Variants in PRPSAP1 observed in about 807,000 individuals in gnomAD.
PRPSAP1 encodes phosphoribosyl pyrophosphate synthase-associated protein 1.
PRPSAP1 carries 31 observed loss-of-function variants against 39.4 expected under a neutral mutation model. The ratio of observed to expected loss-of-function variants is 0.79; its 90% CI spans 0.59 to 1.06. The LOEUF (loss-of-function observed/expected upper bound fraction) is 1.06, where lower values mean the gene tolerates loss of function less well. Ranked by LOEUF, PRPSAP1 falls within the 50% of genes least tolerant of loss-of-function variation. The pLI is 0.00. For synonymous variants in PRPSAP1, 212 were observed against 192.6 expected (o/e 1.10, Z -0.83); for missense variants, 430 against 511.6 (o/e 0.84, Z 1.54).
chr17:76,345,455 A>C (rs2071490092), intron 2 of PRPSAP1, among the ~76,000 whole-genome samples: 2 of 151,810 alleles, frequency 1.3e-5, no homozygotes, highest in African/African-American at 4.8e-5. Context: ...TGACACAGCG[A>C]GATTCTATCT....
intron 3 of PRPSAP1, among the ~76,000 whole-genome samples, chr17:76,336,850 T>A (rs2071385280): frequency 6.6e-6 from 1 of 151,970 alleles, no homozygotes; most frequent in South Asian, 2.1e-4. Context: ...ACCTCACCCC[T>A]TATTGGTCAG....
Position 76,320,325 on chromosome 17 carries a change from A to AAAGG in PRPSAP1, c.782-6435_782-6434insCCTT, listed in dbSNP as rs1555592779. Reference sequence around the variant, plus strand: ...AAAGAAAGGAAGGGAGGAAGGGAAGAAGGGAGGGAGGGAGGGAGGAAGGAA... The same window carrying AAAGG: ...AAAGAAAGGAAGGGAGGAAGGGAAGAAAGGAGGGAGGGAGGGAGGGAGGAAGGAA... On this transcript the variant is annotated intron_variant, in intron 7 of 9. Coordinates refer to ENST00000446526, the MANE Select transcript of PRPSAP1 (RefSeq NM_002766.3). Among the ~76,000 whole-genome samples, 33 of 127,008 alleles carry AAAGG rather than the reference A, an allele frequency of 2.6e-4. No homozygotes were observed. In the East Asian group the frequency reaches 6.5e-3, roughly 25 times the overall value. The allele number at this position is 127,008 out of a possible 152,430, so 83.3% of individuals were successfully genotyped here. A position where few individuals can be genotyped will look rare whatever the true frequency, so the allele number is the denominator to read the frequency against.
upstream of PRPSAP1, chr17:76,354,055 C>T: frequency 9.2e-7 from 1 of 1,082,960 alleles, no homozygotes; most frequent in Non-Finnish European, 1.1e-6. Flanking sequence ...TCGCCCCGCC[C>T]CTGCTTTGAC....
At chr17:76,345,466 C>CA (rs1264967640) in intron 2 of PRPSAP1, among the ~76,000 whole-genome samples, 1 of 151,568 alleles carries the variant, frequency 6.6e-6, no homozygotes, top group African/African-American at 2.4e-5. Context: ...GATTCTATCT[C>CA]AAAAAAATAA....
intron 1 of PRPSAP1, among the ~76,000 whole-genome samples, chr17:76,352,243 G>A (rs1457365100): frequency 1.3e-5 from 2 of 152,004 alleles, no homozygotes; most frequent in South Asian, 2.1e-4. Context: ...ATTAAAAGAC[G>A]AGCTATTCAT....
chr17:76,352,449 T>C (rs1430844614), intron 1 of PRPSAP1, among the ~76,000 whole-genome samples: 1 of 151,698 alleles, frequency 6.6e-6, no homozygotes, highest in Non-Finnish European at 1.5e-5. Flanking sequence ...ATCGAAACCA[T>C]CCTGGCTAAC....
intron 6 of PRPSAP1, among the ~76,000 whole-genome samples, chr17:76,329,735 CA>C (rs201739683): frequency 8.1e-6 from 1 of 123,278 alleles, no homozygotes; most frequent in Non-Finnish European, 1.8e-5. Context: ...AACTCCATTT[CA>C]AAAAAAAAAC....
intron 1 of PRPSAP1, among the ~76,000 whole-genome samples, chr17:76,351,124 G>A (rs1241340938): frequency 2.1e-4 from 32 of 152,188 alleles, no homozygotes; most frequent in East Asian, 1.9e-4. Context: ...TGGGCCGGGC[G>A]CAGTAGCTCA....
chr17:76,316,558 A>C (rs895906062), intron 7 of PRPSAP1, among the ~76,000 whole-genome samples: 1 of 152,236 alleles, frequency 6.6e-6, no homozygotes, highest in Non-Finnish European at 1.5e-5. Flanking sequence ...TAGCTTACCC[A>C]AAAAATAAAA....
At chr17:76,347,015 C>A (rs751109153) in intron 2 of PRPSAP1, among the ~76,000 whole-genome samples, 8 of 152,110 alleles carry the variant, frequency 5.3e-5, no homozygotes, top group Non-Finnish European at 1.2e-4. Context: ...CCAGCAAACC[C>A]TCCGGGCCCA....
intron 2 of PRPSAP1, among the ~76,000 whole-genome samples, chr17:76,345,382 A>G (rs1215856854): frequency 3.5e-5 from 5 of 141,158 alleles, no homozygotes; most frequent in East Asian, 4.3e-4. Flanking sequence ...CAGAAGAATC[A>G]CTTGAACCTG....
At chr17:76,319,310 T>C (rs914373838) in intron 7 of PRPSAP1, 2 of 152,060 alleles carry the variant, frequency 1.3e-5, no homozygotes, top group Non-Finnish European at 2.9e-5. Flanking sequence ...AACTCACAGG[T>C]AGTGACGTGT....
intron 2 of PRPSAP1, among the ~76,000 whole-genome samples, chr17:76,345,237 TAAAAA>T (rs59693380): frequency 3.2e-5 from 2 of 62,194 alleles, no homozygotes; most frequent in Non-Finnish European, 6.2e-5. Flanking sequence ...TCCGTCTCAT[TAAAAA>T]AAAAAAAAAA....
intron 7 of PRPSAP1, chr17:76,314,143 A>G: frequency 2.0e-6 from 1 of 506,600 alleles, no homozygotes; most frequent in Non-Finnish European, 3.6e-6. Context: ...TGAAATTAAT[A>G]CATTTTATTT....
In PRPSAP1 at chr17:76,310,660, G is replaced by T. The variant is rs1041545182; in HGVS notation, c.*882C>A. The T allele has an allele frequency of 2.0e-5, 3 of 151,794 alleles. No individual in the cohort carries two copies. The highest frequency in any genetic ancestry group is 4.4e-5 in the Non-Finnish European group (3 of 68,000). The allele number at this position is 151,794 out of a possible 1,614,324, so 9.4% of individuals were successfully genotyped here. On this transcript the variant is annotated 3_prime_UTR_variant, in exon 10 of 10. Coordinates refer to ENST00000446526, the MANE Select transcript of PRPSAP1 (RefSeq NM_002766.3). Reference sequence around the variant, plus strand: ...TTTTTGTATTTTTTGTAGACATGGGGGTTTCGCCATGTTTCCCAGGCTGGT... The same window carrying T: ...TTTTTGTATTTTTTGTAGACATGGGTGTTTCGCCATGTTTCCCAGGCTGGT...
chr17:76,317,267 T>G lies in PRPSAP1; in HGVS notation c.782-3376A>C, dbSNP rs147746593. Among the ~76,000 whole-genome samples the G allele has an allele frequency of 5.7e-3, 873 of 152,284 alleles. 7 individuals are homozygous for G. Among genetic ancestry groups the G allele is most frequent in the African/African-American group, 0.02 (831 of 41,562 alleles). On this transcript the variant is annotated intron_variant, in intron 7 of 9. Transcript: ENST00000446526. ...TGGGAGGCTGAGGCAGGAGAATTGC[T>G]TGGGCCCGGGAGGTGGAGGTTGCAG...
At chr17:76,330,939 G>C (rs1171203059) in intron 4 of PRPSAP1, among the ~76,000 whole-genome samples, 1 of 152,026 alleles carries the variant, frequency 6.6e-6, no homozygotes, top group Non-Finnish European at 1.5e-5. Context: ...AGAATAATGT[G>C]GCAGAAGCAA....
intron 7 of PRPSAP1, among the ~76,000 whole-genome samples, chr17:76,318,453 A>G (rs1157810157): frequency 5.9e-5 from 9 of 152,168 alleles, no homozygotes; most frequent in African/African-American, 2.2e-4. Context: ...ATCTGAAAAA[A>G]CAAGAATAGA....
chr17:76,341,805 G>C (rs1368901104), intron 3 of PRPSAP1, among the ~76,000 whole-genome samples: 2 of 151,916 alleles, frequency 1.3e-5, no homozygotes, highest in Non-Finnish European at 2.9e-5. Context: ...CGGGCGTGGT[G>C]GTGGGCGCCT....
Sources: gnomAD v4.1 joint callset for allele counts (sites outside exome capture counted in the v4.1 genomes callset) on GRCh38, gnomAD v4.1.1 for gene constraint, MANE v1.5 for transcripts, NCBI Gene and HGNC (gene_info 2026-07-23, HGNC 2026-07-21) for gene names.